Variants in SLC7A6OS observed in about 807,000 individuals in gnomAD.
SLC7A6OS encodes solute carrier family 7 member 6 opposite strand.
In SLC7A6OS, 22 loss-of-function variants were observed where a neutral mutation model predicts 34.3. That is an observed-to-expected ratio of 0.64 (90% CI 0.46 to 0.92). The LOEUF (loss-of-function observed/expected upper bound fraction) is 0.92. SLC7A6OS is among the 40% of genes least tolerant of loss of function. The pLI, the probability that SLC7A6OS is intolerant of heterozygous loss-of-function variation, is 0.00. For synonymous variants in SLC7A6OS, 199 were observed against 165.0 expected (o/e 1.21, Z -1.58); for missense variants, 434 against 407.7 (o/e 1.06, Z -0.56).
At chr16:68,308,302 C>CT (rs911065318) in intron 2 of SLC7A6OS, among the ~76,000 whole-genome samples, 6 of 152,172 alleles carry the variant, frequency 3.9e-5, no homozygotes, top group Non-Finnish European at 5.9e-5. Flanking sequence ...AAAGATGTGG[C>CT]TATGGACATC....
At position 68,310,881 on chromosome 16, in the gene SLC7A6OS, T is replaced by C. The variant is rs751424036; in HGVS notation, c.46A>G (p.Ser16Gly). Residue 16 changes from serine to glycine, a missense_variant, in exon 1 of 5, where the codon AGT becomes GGT. Coordinates refer to ENST00000263997, the MANE Select transcript of SLC7A6OS (RefSeq NM_032178.3). The stretch of plus-strand genomic sequence containing the variant: ...ACAAGAGCCTCCGCCGGCTCCGCAC[T>C]GCGCTTCCGCTTCACCCGGAGTACA... ...TAVLRVKRKRSAEPAEALVLA... is the reference protein window; with the variant it reads ...TAVLRVKRKRGAEPAEALVLA... 24 of 1,606,838 alleles carry C rather than the reference T, an allele frequency of 1.5e-5. No individual in the cohort carries two copies. Among genetic ancestry groups the C allele is most frequent in the Non-Finnish European group, 2.0e-5 (24 of 1,177,930 alleles).
rs750101071 is a variant in SLC7A6OS at position 68,299,458 on chromosome 16, T to C, written c.*1817A>G. The C allele has an allele frequency of 6.6e-6, 1 of 152,586 alleles. No individual in the cohort carries two copies. The highest frequency in any genetic ancestry group is 6.5e-5 in the Admixed American group (1 of 15,270). The allele number at this position is 152,586 out of a possible 1,614,324, so 9.5% of individuals were successfully genotyped here. A position where few individuals can be genotyped will look rare whatever the true frequency, so the allele number is the denominator to read the frequency against. On this transcript the variant is annotated 3_prime_UTR_variant, in exon 5 of 5. Coordinates refer to ENST00000263997, the MANE Select transcript of SLC7A6OS (RefSeq NM_032178.3). The stretch of plus-strand genomic sequence containing the variant: ...TGGATACAGACTTCTCCCAGGATCC[T>C]CTCTTTGGGAGCGAAGCCAGAGGAT...
intron 3 of SLC7A6OS, chr16:68,303,751 C>A: frequency 2.5e-6 from 1 of 395,636 alleles, no homozygotes; most frequent in Admixed American, 4.1e-5. Context: ...TATTTCCCCC[C>A]TAAGAATGGA....
chr16:68,310,459 G>T lies in SLC7A6OS; in HGVS notation c.347C>A (p.Ser116Ter). The T allele has an allele frequency of 1.9e-6, 3 of 1,602,052 alleles. No homozygotes were observed. Among genetic ancestry groups the T allele is most frequent in the Non-Finnish European group, 2.6e-6 (3 of 1,174,648 alleles). The change falls in exon 2 of 5, where the codon TCG (serine) becomes TAG (stop). Residue 116 changes from serine to a stop codon, truncating the protein, a stop_gained. Transcript: ENST00000263997. LOFTEE classifies it high-confidence loss of function. ...LSSRRSLGTTSSGQESEYTPG... is the reference protein window; with the variant it reads ...LSSRRSLGTT ...CGTGTACTCGGACTCCTGGCCGCTC[G>T]AGGTGGTCCCCAAGGATCGGCGGCT...
At chr16:68,305,316 T>G (rs1460185526) in intron 2 of SLC7A6OS, among the ~76,000 whole-genome samples, 2 of 152,188 alleles carry the variant, frequency 1.3e-5, no homozygotes, top group African/African-American at 2.4e-5. Context: ...GACATCCTAC[T>G]TTTAACCACA....
rs116148458 is a variant in SLC7A6OS at position 68,300,249 on chromosome 16, C to T, written c.*1026G>A. Reference sequence around the variant, plus strand: ...AGTGCTCAGCAGCCACCCGTGTCTACTACTACACAGTGCAGACACAGAACA... The same window carrying T: ...AGTGCTCAGCAGCCACCCGTGTCTATTACTACACAGTGCAGACACAGAACA... On this transcript the variant is annotated 3_prime_UTR_variant, in exon 5 of 5. Coordinates refer to ENST00000263997, the MANE Select transcript of SLC7A6OS (RefSeq NM_032178.3). The T allele has an allele frequency of 4.6e-5, 7 of 152,344 alleles. No individual in the cohort carries two copies. Among genetic ancestry groups the T allele is most frequent in the African/African-American group, 1.7e-4 (7 of 41,580 alleles). The allele number at this position is 152,344 out of a possible 1,614,324, so 9.4% of individuals were successfully genotyped here. A position where few individuals can be genotyped will look rare whatever the true frequency, so the allele number is the denominator to read the frequency against.
rs767186820 is a variant in SLC7A6OS at position 68,301,238 on chromosome 16, G to A, written c.*37C>T. 7.5e-6 allele frequency: 12 copies of A among 1,603,168 alleles called. No individual in the cohort carries two copies. In the African/African-American group the frequency reaches 1.3e-4, roughly 18 times the overall value. ...TTAACTCTGGACTCAGAGCCCTCAA[G>A]GGCATGTGGCAGAACCTCATGGACA... On this transcript the variant is annotated 3_prime_UTR_variant, in exon 5 of 5. Coordinates refer to ENST00000263997, the MANE Select transcript of SLC7A6OS (RefSeq NM_032178.3).
chr16:68,301,535 A>G, intron 4 of SLC7A6OS, 130 bp from the exon 5 acceptor site: 3 of 679,810 alleles, frequency 4.4e-6, no homozygotes, highest in Non-Finnish European at 4.5e-6. Context: ...ATAAATAAAA[A>G]AGAATATAGA....
intron 2 of SLC7A6OS, among the ~76,000 whole-genome samples, chr16:68,307,324 T>C (rs2151241484): frequency 6.6e-6 from 1 of 152,356 alleles, no homozygotes; most frequent in East Asian, 1.9e-4. Flanking sequence ...TAGCTTAGCT[T>C]AGCTGTTTGC....
chr16:68,304,296 A>T (rs2043310440), intron 2 of SLC7A6OS, 64 bp from the exon 3 acceptor site: 2 of 1,458,982 alleles, frequency 1.4e-6, no homozygotes, highest in Admixed American at 3.4e-5. Context: ...CAAGAGGAGG[A>T]ACCTATGAGT....
intron 2 of SLC7A6OS, among the ~76,000 whole-genome samples, chr16:68,305,702 C>G (rs2043321539): frequency 6.6e-6 from 1 of 152,178 alleles, no homozygotes; most frequent in Admixed American, 6.5e-5. Context: ...CTTAAAGTTA[C>G]CTATGACAAA....
chr16:68,305,870 G>A (rs1196834493), intron 2 of SLC7A6OS, among the ~76,000 whole-genome samples: 1 of 152,082 alleles, frequency 6.6e-6, no homozygotes, highest in African/African-American at 2.4e-5. Flanking sequence ...GACCAGCCTG[G>A]GCAACATGGC....
intron 2 of SLC7A6OS, among the ~76,000 whole-genome samples, chr16:68,307,273 A>G (rs1229275104): frequency 6.6e-6 from 1 of 152,242 alleles, no homozygotes; most frequent in Non-Finnish European, 1.5e-5. Flanking sequence ...GCTATTTGAC[A>G]TAATTACTTA....
chr16:68,302,367 G>C lies in SLC7A6OS; in HGVS notation c.799+14C>G. 1 of 1,613,916 alleles carries C rather than the reference G, an allele frequency of 6.2e-7. No homozygotes were observed. The highest frequency in any genetic ancestry group is 8.5e-7 in the Non-Finnish European group (1 of 1,179,956). ...GATCCTACCAGTCCCTCCCGGTCTG[G>C]GGCTGCCACCCACCTCTGGAATCCT... On this transcript the variant is annotated intron_variant, in intron 4 of 4. Coordinates refer to ENST00000263997, the MANE Select transcript of SLC7A6OS (RefSeq NM_032178.3).
chr16:68,302,376 C>T lies in SLC7A6OS; in HGVS notation c.799+5G>A, dbSNP rs1780819380. On this transcript the variant is annotated splice_donor_5th_base_variant and intron_variant, in intron 4 of 4. Transcript: ENST00000263997. ...AGTCCCTCCCGGTCTGGGGCTGCCA[C>T]CCACCTCTGGAATCCTCATCTCCAT... The T allele has an allele frequency of 1.2e-6, 2 of 1,614,166 alleles. No individual in the cohort carries two copies. Among genetic ancestry groups the T allele is most frequent in the African/African-American group, 1.3e-5 (1 of 75,052 alleles).
At chr16:68,303,763 A>G (rs146831444) in intron 3 of SLC7A6OS, 402 of 414,814 alleles carry the variant, frequency 9.7e-4, no homozygotes, top group Non-Finnish European at 1.5e-3. Flanking sequence ...AAGAATGGAT[A>G]GCTATAAACA....
chr16:68,304,344 G>A (rs937148661), intron 2 of SLC7A6OS, 112 bp from the exon 3 acceptor site: 7 of 923,296 alleles, frequency 7.6e-6, no homozygotes, highest in Non-Finnish European at 1.2e-5. Context: ...TTTTTGAGAC[G>A]GAGTCTCACT....
chr16:68,308,757 A>G (rs1329655885), intron 2 of SLC7A6OS, among the ~76,000 whole-genome samples: 1 of 151,938 alleles, frequency 6.6e-6, no homozygotes, highest in Non-Finnish European at 1.5e-5. Context: ...ATGTTTATCA[A>G]GAGAGGGCAT....
At chr16:68,301,555 T>C in intron 4 of SLC7A6OS, 150 bp from the exon 5 acceptor site, 1 of 609,450 alleles carries the variant, frequency 1.6e-6, no homozygotes, top group African/African-American at 1.9e-5. Context: ...AATTCTTTTT[T>C]TTTTAAAGAA....
Sources: gnomAD v4.1 joint callset for allele counts (sites outside exome capture counted in the v4.1 genomes callset) on GRCh38, gnomAD v4.1.1 for gene constraint, MANE v1.5 for transcripts, NCBI Gene and HGNC (gene_info 2026-07-23, HGNC 2026-07-21) for gene names.